NDUFB6: variants seen among roughly 807,000 people sequenced by gnomAD.
NDUFB6 encodes the protein NADH:ubiquinone oxidoreductase subunit B6.
A neutral mutation model predicts 17.5 loss-of-function variants in NDUFB6; 23 were observed. That is an observed-to-expected ratio of 1.31 (90% CI 0.94 to 1.86). NDUFB6 has a LOEUF of 1.86. NDUFB6 is among the 40% of genes most tolerant of loss of function. The pLI is 0.00. For missense variants in NDUFB6, 167 were observed against 153.8 expected, an observed-to-expected ratio of 1.09 and a Z score of -0.46; for synonymous variants, 60 against 53.5, an observed-to-expected ratio of 1.12 and a Z score of -0.53.
intron 1 of NDUFB6, 138 bp downstream of exon 1, chr9:32,572,743 A>G: frequency 1.5e-6 from 1 of 683,480 alleles, no homozygotes; most frequent in South Asian, 2.7e-5. Context: ...CTCCAGGAGG[A>G]CTCTCGGGAC....
At chr9:32,566,778 T>C in intron 2 of NDUFB6, 1 of 905,500 alleles carries the variant, frequency 1.1e-6, no homozygotes, top group Non-Finnish European at 1.8e-6. Flanking sequence ...TGCGACGTTC[T>C]GGCTGACGTT....
chr9:32,566,407 A>C (rs1821790450), intron 2 of NDUFB6: 1 of 903,990 alleles, frequency 1.1e-6, no homozygotes, highest in Non-Finnish European at 1.9e-6. Context: ...GGTCCAGAAG[A>C]GGAGCCTGCT....
intron 1 of NDUFB6, among the ~76,000 whole-genome samples, chr9:32,571,585 A>G (rs1219394497): frequency 6.6e-6 from 1 of 152,182 alleles, no homozygotes; most frequent in Admixed American, 6.5e-5. Flanking sequence ...CTGCAACACT[A>G]TTTTAAAAAA....
intron 2 of NDUFB6, among the ~76,000 whole-genome samples, chr9:32,568,814 A>C (rs1821879228): frequency 7.2e-6 from 1 of 139,584 alleles, no homozygotes; most frequent in South Asian, 2.3e-4. Flanking sequence ...GCAGTGGTGC[A>C]ATCTCAGCTC....
intron 3 of NDUFB6, among the ~76,000 whole-genome samples, chr9:32,557,147 C>G (rs1383852998): frequency 1.4e-5 from 2 of 145,296 alleles, no homozygotes; most frequent in East Asian, 2.0e-4. Flanking sequence ...TGTTAGCCAC[C>G]GCGCCTGGCC....
In NDUFB6 at chr9:32,553,243, C is replaced by G. The variant is rs558757351; in HGVS notation, c.*633G>C. On this transcript the variant is annotated 3_prime_UTR_variant, in exon 4 of 4. Transcript: ENST00000379847. ...GGAGTCTTGCTCTGTCGCCCAGGCTCAGTGGCACTATCTCGGCTTACTGCA... is the reference window on the plus strand; with the variant it reads ...GGAGTCTTGCTCTGTCGCCCAGGCTGAGTGGCACTATCTCGGCTTACTGCA... The G allele has an allele frequency of 4.3e-5, 9 of 208,742 alleles. No individual in the cohort carries two copies. The highest frequency in any genetic ancestry group is 7.8e-5 in the Non-Finnish European group (8 of 103,016). The allele number at this position is 208,742 out of a possible 1,614,324, so 12.9% of individuals were successfully genotyped here. A position where few individuals can be genotyped will look rare whatever the true frequency, so the allele number is the denominator to read the frequency against.
chr9:32,554,473 A>T (rs1409188512), intron 3 of NDUFB6, among the ~76,000 whole-genome samples: 1 of 152,216 alleles, frequency 6.6e-6, no homozygotes, highest in Non-Finnish European at 1.5e-5. Flanking sequence ...AAGTGGTAAG[A>T]ATCTTGGAAC....
intron 3 of NDUFB6, among the ~76,000 whole-genome samples, chr9:32,556,811 A>G (rs909532991): frequency 2.0e-5 from 3 of 150,156 alleles, no homozygotes; most frequent in Admixed American, 1.3e-4. Context: ...ACACACATCA[A>G]TGTTACACAA....
At chr9:32,569,875 C>T (rs1821901760) in intron 2 of NDUFB6, among the ~76,000 whole-genome samples, 1 of 152,054 alleles carries the variant, frequency 6.6e-6, no homozygotes, top group Non-Finnish European at 1.5e-5. Flanking sequence ...TGCTATTACA[C>T]ACTTATACCA....
At chr9:32,557,850 T>G (rs1821511416) in intron 3 of NDUFB6, among the ~76,000 whole-genome samples, 1 of 152,106 alleles carries the variant, frequency 6.6e-6, no homozygotes, top group Non-Finnish European at 1.5e-5. Context: ...TTCCTAAAAT[T>G]CCCCTGTTGC....
chr9:32,563,286 A>AC (rs903256692), intron 2 of NDUFB6, among the ~76,000 whole-genome samples: 1 of 152,014 alleles, frequency 6.6e-6, no homozygotes, highest in African/African-American at 2.4e-5. Flanking sequence ...CAAATTAAAT[A>AC]TTTTGAGGAT....
intron 2 of NDUFB6, among the ~76,000 whole-genome samples, chr9:32,564,524 A>AC (rs35180773): frequency 2.0e-5 from 3 of 151,892 alleles, no homozygotes; most frequent in African/African-American, 7.3e-5. Context: ...TTTAAAAAAA[A>AC]GTACATTATA....
At chr9:32,557,565 C>T (rs1399745869) in intron 3 of NDUFB6, among the ~76,000 whole-genome samples, 2 of 151,918 alleles carry the variant, frequency 1.3e-5, no homozygotes, top group Non-Finnish European at 2.9e-5. Flanking sequence ...CTGCAACCTC[C>T]GCCTTCCAGT....
intron 2 of NDUFB6, chr9:32,566,227 TTG>T: frequency 1.1e-6 from 1 of 883,498 alleles, no homozygotes; most frequent in Non-Finnish European, 1.9e-6. Flanking sequence ...ATAGCTGGTT[TTG>T]TGGGTGGTTT....
At chr9:32,565,531 AC>A (rs1050558913) in intron 2 of NDUFB6, 4 of 152,268 alleles carry the variant, frequency 2.6e-5, no homozygotes, top group African/African-American at 9.6e-5. Flanking sequence ...TGGTGACCAC[AC>A]CACATGAGCA....
intron 2 of NDUFB6, chr9:32,568,748 A>ATATATTT (rs1213123923): frequency 1.3e-4 from 15 of 114,360 alleles, no homozygotes; most frequent in African/African-American, 5.1e-4. Context: ...ATATATATAT[A>ATATATTT]TTTTTTTTTT....
At chr9:32,555,153 C>T (rs577550499) in intron 3 of NDUFB6, among the ~76,000 whole-genome samples, 1 of 152,212 alleles carries the variant, frequency 6.6e-6, no homozygotes, top group South Asian at 2.1e-4. Flanking sequence ...TGGCTCATGC[C>T]TGTAATCCCA....
chr9:32,554,543 G>GT lies in NDUFB6; in HGVS notation c.319-600dup, dbSNP rs574463753. 1.3e-3 allele frequency among the ~76,000 whole-genome samples: 200 copies of GT among 152,332 alleles called. 3 individuals are homozygous for GT. Among genetic ancestry groups the GT allele is most frequent in the African/African-American group, 4.2e-3 (175 of 41,566 alleles). On this transcript the variant is annotated intron_variant, in intron 3 of 3. Transcript: ENST00000379847. Reference sequence around the variant, plus strand: ...TATTCAATTTCAGTTTCAGCCATGTGTTTAAGATAGATTCTGTTAGCCTGC... The same window carrying GT: ...TATTCAATTTCAGTTTCAGCCATGTGTTTTAAGATAGATTCTGTTAGCCTGC...
intron 2 of NDUFB6, chr9:32,566,165 C>T: frequency 4.3e-6 from 3 of 705,284 alleles, no homozygotes; most frequent in Non-Finnish European, 7.7e-6. Context: ...CGCTTTCACA[C>T]AGGCCACTTC....
Sources: gnomAD v4.1 joint callset for allele counts (sites outside exome capture counted in the v4.1 genomes callset) on GRCh38, gnomAD v4.1.1 for gene constraint, MANE v1.5 for transcripts, NCBI Gene and HGNC (gene_info 2026-07-23, HGNC 2026-07-21) for gene names.